BNIP3L: variants seen among roughly 807,000 people sequenced by gnomAD.
The protein encoded by BNIP3L is BCL2 interacting protein 3 like, also known as BCL2/adenovirus E1B 19 kDa protein-interacting protein 3-like.
Under a neutral mutation model 25.5 loss-of-function variants are expected in BNIP3L, and 10 were observed. The observed-to-expected ratio is 0.39, with a 90% CI of 0.24 to 0.67. The LOEUF (loss-of-function observed/expected upper bound fraction) is 0.67. BNIP3L is among the 30% of genes least tolerant of loss of function. The pLI is 0.45. For missense variants in BNIP3L, 215 were observed against 270.9 expected (o/e 0.79, Z 1.45); for synonymous variants, 113 against 101.2 (o/e 1.12, Z -0.70).
intron 2 of BNIP3L, 135 bp downstream of exon 2, chr8:26,391,561 A>G: frequency 1.5e-6 from 1 of 670,468 alleles, no homozygotes; most frequent in South Asian, 3.3e-5. Flanking sequence ...TATAATATAT[A>G]TTGCACAGAT....
At chr8:26,406,842 G>A (rs1036752695) in intron 3 of BNIP3L, among the ~76,000 whole-genome samples, 1 of 151,002 alleles carries the variant, frequency 6.6e-6, no homozygotes, top group Admixed American at 6.6e-5. Context: ...CATGTAACAT[G>A]CTTGGAATAA....
chr8:26,407,408 G>T (rs373199497), intron 3 of BNIP3L, among the ~76,000 whole-genome samples: 6 of 151,954 alleles, frequency 3.9e-5, no homozygotes, highest in African/African-American at 1.2e-4. Flanking sequence ...GGATGGTCTC[G>T]ATCTCCTGAC....
intron 3 of BNIP3L, among the ~76,000 whole-genome samples, chr8:26,402,510 T>A (rs931552705): frequency 4.6e-5 from 7 of 152,368 alleles, no homozygotes; most frequent in African/African-American, 1.7e-4. Context: ...TTTTCCAAAA[T>A]GTGTTTTCAA....
In BNIP3L at chr8:26,410,919, GAAAAC is replaced by G. The variant is rs1806610402; in HGVS notation, c.*517_*521del. On this transcript the variant is annotated 3_prime_UTR_variant, in exon 6 of 6. Transcript: ENST00000380629. The stretch of plus-strand genomic sequence containing the variant: ...AGTTTGAGTTGATAGTTATTAAAAA[GAAAAC>G]AAAACAAAAAAAAAAGGCAAGGCAC... 1 of 139,726 alleles carries G rather than the reference GAAAAC, an allele frequency of 7.2e-6. No individual in the cohort carries two copies. The highest frequency in any genetic ancestry group is 2.6e-5 in the African/African-American group (1 of 37,810). 8.7% of individuals were successfully genotyped at this position (139,726 alleles called of 1,614,324 possible).
chr8:26,392,929 A>G (rs1042095689), intron 2 of BNIP3L, among the ~76,000 whole-genome samples: 3 of 152,002 alleles, frequency 2.0e-5, no homozygotes, highest in Admixed American at 1.3e-4. Flanking sequence ...TACTTCATTT[A>G]TGGTGCAGTT....
chr8:26,402,116 C>G (rs907344718), intron 3 of BNIP3L, among the ~76,000 whole-genome samples: 1 of 152,200 alleles, frequency 6.6e-6, no homozygotes, highest in Non-Finnish European at 1.5e-5. Context: ...ACCCAGTATT[C>G]TTTCTGTTTC....
At chr8:26,403,913 T>C (rs1806444989) in intron 3 of BNIP3L, among the ~76,000 whole-genome samples, 1 of 152,164 alleles carries the variant, frequency 6.6e-6, no homozygotes, top group Non-Finnish European at 1.5e-5. Context: ...TGAGGCTTTG[T>C]ACTAATTACT....
chr8:26,398,913 T>G (rs1356812289), intron 3 of BNIP3L, among the ~76,000 whole-genome samples: 5 of 151,076 alleles, frequency 3.3e-5, no homozygotes, highest in African/African-American at 1.2e-4. Context: ...GCTGAAATTG[T>G]GGCAATAATC....
intron 1 of BNIP3L, chr8:26,383,500 C>G (rs938501026): frequency 2.2e-6 from 2 of 903,640 alleles, no homozygotes; most frequent in African/African-American, 2.9e-5. Context: ...CCCCCTGGTG[C>G]GGGGGGTGGT....
chr8:26,387,329 T>C (rs976741103), intron 1 of BNIP3L, among the ~76,000 whole-genome samples: 4 of 152,260 alleles, frequency 2.6e-5, no homozygotes, highest in Non-Finnish European at 5.9e-5. Flanking sequence ...TTGTATGTTA[T>C]GTACAAATTG....
intron 3 of BNIP3L, 189 bp downstream of exon 3, chr8:26,395,491 C>T (rs1246626963): frequency 3.5e-5 from 20 of 577,810 alleles, no homozygotes; most frequent in Non-Finnish European, 5.5e-5. Context: ...GATTTTGGGC[C>T]CTGTCACTCT....
intron 5 of BNIP3L, among the ~76,000 whole-genome samples, chr8:26,408,889 A>AG (rs1307574794): frequency 1.1e-4 from 15 of 135,832 alleles, no homozygotes; most frequent in African/African-American, 3.3e-4. Flanking sequence ...AAAAAAAAAA[A>AG]AAGAAGATGT....
chr8:26,385,476 G>A (rs62490970), intron 1 of BNIP3L, among the ~76,000 whole-genome samples: 1 of 151,882 alleles, frequency 6.6e-6, no homozygotes, highest in African/African-American at 2.4e-5. Flanking sequence ...GGTGTTGGGC[G>A]CCTGTAATCC....
chr8:26,412,615 A>G lies in BNIP3L; in HGVS notation c.*2203A>G, dbSNP rs779840733. 1.9e-4 allele frequency: 29 copies of G among 152,656 alleles called. No individual in the cohort carries two copies. The highest frequency in any genetic ancestry group is 1.2e-3 in the Admixed American group (18 of 15,290). 9.5% of individuals were successfully genotyped at this position (152,656 alleles called of 1,614,324 possible). On this transcript the variant is annotated 3_prime_UTR_variant, in exon 6 of 6. Transcript: ENST00000380629. ...AGTAGAATTTATTATGAGAGCATGT[A>G]GTATGTATCTGTAGCCCTAACACAT...
chr8:26,393,095 G>C (rs970709030), intron 2 of BNIP3L, among the ~76,000 whole-genome samples: 1 of 151,842 alleles, frequency 6.6e-6, no homozygotes, highest in South Asian at 2.1e-4. Context: ...AGAATGGCTA[G>C]AACTCGAGTC....
chr8:26,391,137 G>C, intron 1 of BNIP3L, 106 bp from the exon 2 acceptor site: 1 of 935,836 alleles, frequency 1.1e-6, no homozygotes, highest in Non-Finnish European at 1.5e-6. Flanking sequence ...TTTACATTTG[G>C]TTTGAGGAGA....
At chr8:26,407,686 G>A (rs1320505509) in intron 3 of BNIP3L, among the ~76,000 whole-genome samples, 1 of 152,150 alleles carries the variant, frequency 6.6e-6, no homozygotes, top group African/African-American at 2.4e-5. Context: ...CTCCATGTAA[G>A]TATTGCCCAG....
chr8:26,400,005 A>T (rs1004801334), intron 3 of BNIP3L, among the ~76,000 whole-genome samples: 1 of 151,482 alleles, frequency 6.6e-6, no homozygotes, highest in Non-Finnish European at 1.5e-5. Flanking sequence ...TAATTTACAG[A>T]TTCAGTGCCA....
intron 1 of BNIP3L, among the ~76,000 whole-genome samples, chr8:26,387,180 A>G (rs1806010753): frequency 6.6e-6 from 1 of 152,182 alleles, no homozygotes; most frequent in Non-Finnish European, 1.5e-5. Context: ...ATTATACAAC[A>G]TACGGCAATG....
Sources: gnomAD v4.1 joint callset for allele counts (sites outside exome capture counted in the v4.1 genomes callset) on GRCh38, gnomAD v4.1.1 for gene constraint, MANE v1.5 for transcripts, NCBI Gene and HGNC (gene_info 2026-07-23, HGNC 2026-07-21) for gene names.